The following GABRG3 variants were observed in gnomAD, a reference collection of about 807,000 sequenced individuals.
The protein encoded by GABRG3 is gamma-aminobutyric acid type A receptor subunit gamma3, also known as gamma-aminobutyric acid receptor subunit gamma-3.
In GABRG3, 25 loss-of-function variants were observed where a neutral mutation model predicts 48.8. The ratio of observed to expected loss-of-function variants is 0.51; its 90% confidence interval spans 0.37 to 0.72. The LOEUF (loss-of-function observed/expected upper bound fraction) is 0.72, where lower values mean the gene tolerates loss of function less well. Among genes scored for constraint, GABRG3 ranks in the 30% least tolerant of loss-of-function variants. The pLI, the probability that GABRG3 is intolerant of heterozygous loss-of-function variation, is 0.00. For synonymous variants in GABRG3, 227 were observed against 217.6 expected, an observed-to-expected ratio of 1.04 and a Z score of -0.38; for missense variants, 394 against 577.9, an observed-to-expected ratio of 0.68 and a Z score of 3.26.
chr15:27,200,507 A>G (rs1026089922), intron 3 of GABRG3, among the ~76,000 whole-genome samples: 5 of 152,144 alleles, frequency 3.3e-5, no homozygotes, highest in African/African-American at 1.2e-4. Context: ...TCGCCTCTCC[A>G]GGTGCCCCAG....
At chr15:27,053,662 C>T (rs1381305475) in intron 3 of GABRG3, among the ~76,000 whole-genome samples, 2 of 152,164 alleles carry the variant, frequency 1.3e-5, no homozygotes, top group African/African-American at 4.8e-5. Context: ...ACCAAAACGA[C>T]ATATGCACTT....
chr15:26,972,285 GCAACCTTCCTCC>G (rs1274773784), intron 1 of GABRG3, among the ~76,000 whole-genome samples: 1 of 152,108 alleles, frequency 6.6e-6, no homozygotes, highest in African/African-American at 2.4e-5. Context: ...CATAAATTCC[GCAACCTTCCTCC>G]CAGTACACCA....
chr15:27,117,362 T>G (rs765936115), intron 3 of GABRG3, among the ~76,000 whole-genome samples: 18 of 152,118 alleles, frequency 1.2e-4, no homozygotes, highest in Admixed American at 3.3e-4. Context: ...TACTCAAAGT[T>G]TTTTAGGTGC....
chr15:27,074,783 G>A (rs983828215), intron 3 of GABRG3, among the ~76,000 whole-genome samples: 1 of 152,120 alleles, frequency 6.6e-6, no homozygotes, highest in African/African-American at 2.4e-5. Context: ...AACACATCAG[G>A]AGTGTGTGTG....
intron 3 of GABRG3, among the ~76,000 whole-genome samples, chr15:27,235,739 A>G (rs773892984): frequency 3.9e-5 from 6 of 152,238 alleles, no homozygotes; most frequent in Non-Finnish European, 5.9e-5. Context: ...GGTAGAGTTC[A>G]AAGAAATATC....
chr15:27,122,773 C>A (rs1897753668), intron 3 of GABRG3, among the ~76,000 whole-genome samples: 1 of 152,192 alleles, frequency 6.6e-6, no homozygotes, highest in Admixed American at 6.5e-5. Flanking sequence ...TCATGCTCCA[C>A]AAAGTAGAGA....
intron 5 of GABRG3, among the ~76,000 whole-genome samples, chr15:27,346,106 AGAG>A (rs1369978443): frequency 5.5e-5 from 3 of 54,998 alleles, no homozygotes; most frequent in African/African-American, 2.1e-4. Context: ...AAGGAAAGAA[AGAG>A]AAAGGAAAGA....
intron 3 of GABRG3, among the ~76,000 whole-genome samples, chr15:27,139,612 A>AT (rs148919259): frequency 0.036 from 5,413 of 152,130 alleles, 338 homozygotes; most frequent in African/African-American, 0.12. Flanking sequence ...TTTTTCTGAA[A>AT]TTTTTTCCCA....
At chr15:27,468,465 A>T (rs1595774989) in intron 5 of GABRG3, among the ~76,000 whole-genome samples, 3 of 152,224 alleles carry the variant, frequency 2.0e-5, no homozygotes, top group East Asian at 3.9e-4. Context: ...CCTAGGGGAA[A>T]CCTAAGTCAA....
At chr15:27,021,620 T>C (rs1033730265) in intron 2 of GABRG3, among the ~76,000 whole-genome samples, 4 of 152,200 alleles carry the variant, frequency 2.6e-5, no homozygotes, top group Non-Finnish European at 4.4e-5. Context: ...GCGGGAAGGC[T>C]GTTTGAATCT....
At chr15:27,047,532 G>A (rs1896384820) in intron 3 of GABRG3, among the ~76,000 whole-genome samples, 1 of 152,218 alleles carries the variant, frequency 6.6e-6, no homozygotes, top group Non-Finnish European at 1.5e-5. Flanking sequence ...TCAGCTAAAA[G>A]TCAAGGGCTG....
intron 6 of GABRG3, among the ~76,000 whole-genome samples, chr15:27,499,878 G>T (rs1388322023): frequency 6.6e-6 from 1 of 152,216 alleles, no homozygotes; most frequent in Non-Finnish European, 1.5e-5. Context: ...GAGACCCAAA[G>T]GATGGGAGGA....
intron 3 of GABRG3, among the ~76,000 whole-genome samples, chr15:27,175,804 G>T (rs1887726372): frequency 6.6e-6 from 1 of 152,120 alleles, no homozygotes; most frequent in Non-Finnish European, 1.5e-5. Context: ...TTTAGTTGTT[G>T]CTTTAAACAT....
At chr15:27,250,773 C>T (rs1049165236) in intron 3 of GABRG3, among the ~76,000 whole-genome samples, 2 of 152,194 alleles carry the variant, frequency 1.3e-5, no homozygotes, top group Non-Finnish European at 2.9e-5. Context: ...AGTTAAATAT[C>T]TCACACATTT....
At chr15:27,261,912 G>C (rs978448801) in intron 3 of GABRG3, among the ~76,000 whole-genome samples, 3 of 151,920 alleles carry the variant, frequency 2.0e-5, no homozygotes, top group African/African-American at 7.3e-5. Flanking sequence ...TAAGCCTCTG[G>C]GTTCCATTTT....
At chr15:27,312,242 G>T (rs1566778035) in intron 3 of GABRG3, among the ~76,000 whole-genome samples, 1 of 152,046 alleles carries the variant, frequency 6.6e-6, no homozygotes, top group Non-Finnish European at 1.5e-5. Flanking sequence ...GGTCACTGAA[G>T]ATTATTCAGT....
chr15:27,493,379 T>G (rs185348436), intron 6 of GABRG3, among the ~76,000 whole-genome samples: 1 of 152,304 alleles, frequency 6.6e-6, no homozygotes, highest in Admixed American at 6.5e-5. Flanking sequence ...TAGATAGCTT[T>G]CAAAATAATC....
chr15:27,374,079 C>T (rs1414991908), intron 5 of GABRG3, among the ~76,000 whole-genome samples: 1 of 145,106 alleles, frequency 6.9e-6, no homozygotes, highest in Non-Finnish European at 1.5e-5. Flanking sequence ...TTCTAATTAT[C>T]TTTGTCAAAA....
chr15:27,424,831 G>T (rs1437364704), intron 5 of GABRG3, among the ~76,000 whole-genome samples: 1 of 152,060 alleles, frequency 6.6e-6, no homozygotes, highest in African/African-American at 2.4e-5. Context: ...TGGGATTACA[G>T]GCGTGAACCA....
Sources: gnomAD v4.1 joint callset for allele counts (sites outside exome capture counted in the v4.1 genomes callset) on GRCh38, gnomAD v4.1.1 for gene constraint, MANE v1.5 for transcripts, NCBI Gene and HGNC (gene_info 2026-07-23, HGNC 2026-07-21) for gene names.